Variants in PDE4C observed in about 807,000 individuals in gnomAD.
PDE4C encodes phosphodiesterase 4C, also known as 3',5'-cyclic-AMP phosphodiesterase 4C.
PDE4C carries 50 observed loss-of-function variants against 63.9 expected under a neutral mutation model. The ratio of observed to expected loss-of-function variants is 0.78; its 90% CI spans 0.62 to 0.99. The LOEUF is 0.99. Among genes scored for constraint, PDE4C ranks in the 50% least tolerant of loss-of-function variants. The probability of loss-of-function intolerance (pLI) is 0.00; values close to 1 mark genes in which losing one functional copy is unlikely to be tolerated. For synonymous variants in PDE4C, 377 were observed against 385.1 expected (o/e 0.98, Z 0.25); for missense variants, 777 against 899.1 (o/e 0.86, Z 1.74).
downstream of PDE4C, chr19:18,209,648 C>G (rs578006014): frequency 6.6e-6 from 1 of 150,810 alleles, no homozygotes; most frequent in East Asian, 2.0e-4. Context: ...CTCAGCCTCC[C>G]AAAGTGCTAG....
rs552173781 is a variant in PDE4C, at chr19:18,225,007, C to G, written c.146+1263G>C. 2.0e-5 allele frequency among the ~76,000 whole-genome samples: 3 copies of G among 152,356 alleles called. No individual in the cohort carries two copies. The East Asian group carries it at 5.8e-4, about 29-fold the overall frequency. On this transcript the variant is annotated intron_variant, in intron 1 of 14. Coordinates refer to ENST00000262805, the Ensembl canonical transcript of PDE4C. ...CAAATAGGGAAACTGAGGCCAGGAG[C>G]GGCCACAGGGCGTGCAAATCCGGAT...
At position 18,213,921 on chromosome 19, in the gene PDE4C, G is replaced by A. The variant is rs191224249; in HGVS notation, c.1390-431C>T. On this transcript the variant is annotated intron_variant, in intron 12 of 14. Transcript: ENST00000262805. ...CCACGTTGTTCCCTCTGCCTGGAAT[G>A]CCGCTTCCCAACTCCTACTCATCCT... Among the ~76,000 whole-genome samples the A allele has an allele frequency of 2.1e-3, 326 of 152,268 alleles. 3 individuals are homozygous for A. The South Asian group carries it at 0.029, about 13-fold the overall frequency.
At chr19:18,243,256 C>T (rs1056074398) in intron 1 of PDE4C, among the ~76,000 whole-genome samples, 6 of 152,056 alleles carry the variant, frequency 3.9e-5, no homozygotes, top group Admixed American at 2.6e-4. Flanking sequence ...ATTACAGGTG[C>T]CCACCACCAT....
At chr19:18,246,362 T>TTA (rs34703162) in intron 1 of PDE4C, among the ~76,000 whole-genome samples, 47 of 147,588 alleles carry the variant, frequency 3.2e-4, no homozygotes, top group African/African-American at 6.5e-4. Flanking sequence ...TTTTTTTTTT[T>TTA]AATAGAGATA....
At chr19:18,252,512 TC>T, upstream of PDE4C, 1 of 398,920 alleles carries the variant, frequency 2.5e-6, no homozygotes, top group Non-Finnish European at 4.4e-6. Context: ...CGCCTGTAAT[TC>T]CAGCACTTTG....
At chr19:18,219,116 A>G in intron 8 of PDE4C, 78 bp from the exon 9 acceptor site, 3 of 1,573,120 alleles carry the variant, frequency 1.9e-6, no homozygotes, top group Non-Finnish European at 2.6e-6. Flanking sequence ...CTCCCACCCC[A>G]GGTTCCACAG....
upstream of PDE4C, chr19:18,248,275 C>T (rs1969167804): frequency 2.2e-6 from 1 of 454,310 alleles, no homozygotes; most frequent in African/African-American, 2.0e-5. Flanking sequence ...CCCTCAACAC[C>T]CACTCAGCGG....
chr19:18,226,864 G>C (rs1032782004), upstream of PDE4C, among the ~76,000 whole-genome samples: 1 of 151,994 alleles, frequency 6.6e-6, no homozygotes, highest in African/African-American at 2.4e-5. Flanking sequence ...CCTCAGCCTC[G>C]CAAAGTGCTG....
At chr19:18,217,501 A>C (rs755497984) in intron 11 of PDE4C, among the ~76,000 whole-genome samples, 4 of 151,596 alleles carry the variant, frequency 2.6e-5, no homozygotes, top group Non-Finnish European at 5.9e-5. Flanking sequence ...AGGGGCCTCC[A>C]CTCTCACCCC....
intron 4 of PDE4C, 53 bp downstream of exon 4, chr19:18,221,052 G>GCCAGGGCCCCCCCCCCCCCCCC: frequency 2.1e-5 from 26 of 1,245,196 alleles, no homozygotes; most frequent in Non-Finnish European, 2.9e-5. Flanking sequence ...CCCGCTTTCC[G>GCCAGGGCCCCCCCCCCCCCCCC]CCCACCTTGT....
At chr19:18,219,444 TG>T (rs1297003587) in intron 7 of PDE4C, 47 bp from the exon 8 acceptor site, 3 of 1,535,774 alleles carry the variant, frequency 2.0e-6, no homozygotes. Flanking sequence ...TTTCACCTGC[TG>T]GGGCCTGGCC....
intron 1 of PDE4C, among the ~76,000 whole-genome samples, chr19:18,225,055 C>T (rs1968666649): frequency 6.6e-6 from 1 of 152,220 alleles, no homozygotes; most frequent in South Asian, 2.1e-4. Context: ...GGGTTAAGGA[C>T]TGGGCCCGGG....
At chr19:18,240,197 C>T (rs915265599) in intron 1 of PDE4C, among the ~76,000 whole-genome samples, 28 of 152,030 alleles carry the variant, frequency 1.8e-4, no homozygotes, top group Middle Eastern at 3.4e-3. Context: ...TGTCTGTAGT[C>T]CCAGCACTTT....
At chr19:18,236,159 G>T (rs948712454), upstream of PDE4C, among the ~76,000 whole-genome samples, 1 of 151,942 alleles carries the variant, frequency 6.6e-6, no homozygotes, top group Non-Finnish European at 1.5e-5. Flanking sequence ...TAGCCAGGAT[G>T]GTCTCGATCT....
upstream of PDE4C, among the ~76,000 whole-genome samples, chr19:18,229,829 C>G (rs548967520): frequency 6.6e-6 from 1 of 152,166 alleles, no homozygotes; most frequent in East Asian, 1.9e-4. Context: ...CCATGGCCCC[C>G]CATTGCCCTC....
At chr19:18,249,026 A>G (rs12608869), upstream of PDE4C, among the ~76,000 whole-genome samples, 29,482 of 114,372 alleles carry the variant, frequency 0.26, 3,591 homozygotes, top group Non-Finnish European at 0.3. Context: ...ACTCCATCTT[A>G]TTAAAAAAAA....
At chr19:18,241,335 C>T (rs1969034716) in intron 1 of PDE4C, among the ~76,000 whole-genome samples, 1 of 127,288 alleles carries the variant, frequency 7.9e-6, no homozygotes, top group East Asian at 2.4e-4. Flanking sequence ...GGCGCGATCT[C>T]GGCTCACTGC....
At chr19:18,222,776 T>C (rs912763150) in intron 1 of PDE4C, among the ~76,000 whole-genome samples, 16 of 133,534 alleles carry the variant, frequency 1.2e-4, no homozygotes, top group Non-Finnish European at 2.0e-4. Flanking sequence ...CCTACCTCAC[T>C]GCAGCCTCAA....
intron 1 of PDE4C, among the ~76,000 whole-genome samples, chr19:18,243,907 T>C (rs943100432): frequency 6.6e-6 from 1 of 152,166 alleles, no homozygotes; most frequent in African/African-American, 2.4e-5. Context: ...CAGGCTGGAG[T>C]GCAGTGGTGC....
Sources: allele counts gnomAD v4.1 joint callset (sites outside exome capture counted in the v4.1 genomes callset), GRCh38; gene constraint gnomAD v4.1.1; transcripts MANE v1.5; gene names NCBI Gene and HGNC (gene_info 2026-07-23, HGNC 2026-07-21).